XPO6: variants seen among roughly 807,000 people sequenced by gnomAD.
XPO6 encodes exportin 6.
Under a neutral mutation model 130.0 loss-of-function variants are expected in XPO6, and 3 were observed. The observed-to-expected ratio is 0.02, with a 90% CI of 0.01 to 0.06. XPO6 has a LOEUF of 0.06. Ranked by LOEUF, XPO6 falls within the 10% of genes least tolerant of loss-of-function variation. The pLI, the probability that XPO6 is intolerant of heterozygous loss-of-function variation, is 1.00. For synonymous variants in XPO6, 524 were observed against 548.9 expected, an observed-to-expected ratio of 0.95 and a Z score of 0.63; for missense variants, 970 against 1,393.0, an observed-to-expected ratio of 0.70 and a Z score of 4.83.
At chr16:28,202,073 G>C (rs953716671) in intron 1 of XPO6, among the ~76,000 whole-genome samples, 1 of 152,202 alleles carries the variant, frequency 6.6e-6, no homozygotes, top group African/African-American at 2.4e-5. Context: ...AGAGCAGAGG[G>C]AACAGCATCA....
chr16:28,168,498 G>GA (rs1228348282), intron 5 of XPO6, among the ~76,000 whole-genome samples: 11 of 148,664 alleles, frequency 7.4e-5, no homozygotes, highest in Non-Finnish European at 3.0e-5. Context: ...AAGGAAAAAA[G>GA]AAAAAAAAAG....
chr16:28,134,160 C>T (rs1021802241), intron 10 of XPO6, among the ~76,000 whole-genome samples: 2 of 152,206 alleles, frequency 1.3e-5, no homozygotes, highest in Non-Finnish European at 2.9e-5. Context: ...AAGCTATTTT[C>T]CCCCCTTTGG....
chr16:28,130,163 A>G (rs925840474), intron 12 of XPO6, among the ~76,000 whole-genome samples: 1 of 152,236 alleles, frequency 6.6e-6, no homozygotes, highest in Non-Finnish European at 1.5e-5. Context: ...CTCTGACAAA[A>G]GCAAAAGTGG....
chr16:28,158,574 A>T (rs972422136), intron 6 of XPO6, among the ~76,000 whole-genome samples: 5 of 152,192 alleles, frequency 3.3e-5, no homozygotes, highest in African/African-American at 1.2e-4. Context: ...CATTTTTCTC[A>T]GTTTTTCTAT....
chr16:28,178,788 C>T (rs147382385), intron 2 of XPO6, among the ~76,000 whole-genome samples: 39 of 151,936 alleles, frequency 2.6e-4, no homozygotes, highest in African/African-American at 8.9e-4. Context: ...CAAAAAAAGG[C>T]CGGGCCCATT....
intron 1 of XPO6, among the ~76,000 whole-genome samples, chr16:28,210,373 T>G (rs1172571083): frequency 6.6e-6 from 1 of 152,148 alleles, no homozygotes; most frequent in African/African-American, 2.4e-5. Flanking sequence ...TGGGTGAAAC[T>G]GAGGAGAACA....
chr16:28,156,605 AATAT>A (rs552912774), intron 6 of XPO6, 78 bp from the exon 7 acceptor site: 3 of 877,674 alleles, frequency 3.4e-6, no homozygotes, highest in East Asian at 2.9e-5. Context: ...CCTTCAAAAA[AATAT>A]ATATATATAT....
At position 28,101,617 on chromosome 16, in the gene XPO6, A is replaced by G. The variant is rs1035575372; in HGVS notation, c.3117T>C (p.His1039=). 3 of 1,614,044 alleles carry G rather than the reference A, an allele frequency of 1.9e-6. No individual in the cohort carries two copies. The highest frequency in any genetic ancestry group is 1.3e-5 in the African/African-American group (1 of 74,938). ...VLLQVLVHKS[H]DLLQEEIGIA... ...TGCCAATCTCCTCCTGCAGAAGATCATGGGACTTGTGGACCAGGACCTGGA... is the reference window on the plus strand; with the variant it reads ...TGCCAATCTCCTCCTGCAGAAGATCGTGGGACTTGTGGACCAGGACCTGGA... Residue 1039 remains histidine, a synonymous_variant, in exon 23 of 24, where the codon CAT becomes CAC. Transcript: ENST00000304658. The surrounding 1 kb of genome is among the most constrained non-coding windows in gnomAD (Gnocchi z 5.4).
rs549183960 is a variant in XPO6 at position 28,147,033 on chromosome 16, G to A, written c.1225-830C>T. ...ATCTCCACTCAAATGCTCACTACCT[G>A]AAAGACTCCTTTGGTTTTGCTGGTG... On this transcript the variant is annotated intron_variant, in intron 8 of 23. Transcript: ENST00000304658. Among the ~76,000 whole-genome samples, 260 of 152,280 alleles carry A rather than the reference G, an allele frequency of 1.7e-3. 2 individuals carry two copies. The highest frequency in any genetic ancestry group is 5.5e-3 in the African/African-American group (229 of 41,562).
chr16:28,101,012 C>A lies in XPO6; in HGVS notation c.3276+446G>T. The A allele has an allele frequency of 3.6e-6, 1 of 275,314 alleles. No individual in the cohort carries two copies. The allele number at this position is 275,314 out of a possible 1,614,324, so 17.1% of individuals were successfully genotyped here. ...GGGCTGGTCTGGAAAGAGCCCAAGA[C>A]AGCCGGGGAACCTGGGTCCCACCTC... is the stretch of plus-strand genomic sequence containing the variant. On this transcript the variant is annotated intron_variant, in intron 23 of 23. Coordinates refer to ENST00000304658, the MANE Select transcript of XPO6 (RefSeq NM_015171.4). The surrounding 1 kb of genome is among the most constrained non-coding windows in gnomAD (Gnocchi z 5.4).
chr16:28,120,195 C>T (rs528003008), intron 14 of XPO6, among the ~76,000 whole-genome samples: 1 of 152,044 alleles, frequency 6.6e-6, no homozygotes, highest in Non-Finnish European at 1.5e-5. Context: ...TAATCATCAT[C>T]ATCATCATCA....
intron 12 of XPO6, among the ~76,000 whole-genome samples, chr16:28,128,598 G>T (rs2042606964): frequency 6.6e-6 from 1 of 152,162 alleles, no homozygotes; most frequent in Non-Finnish European, 1.5e-5. Context: ...CCTAAATCAA[G>T]TTTCCATTTG....
chr16:28,123,388 G>A (rs1430578898), intron 13 of XPO6, among the ~76,000 whole-genome samples: 1 of 151,128 alleles, frequency 6.6e-6, no homozygotes, highest in East Asian at 1.9e-4. Context: ...GATTACAGGT[G>A]AGCCACCACG....
At chr16:28,175,505 C>T (rs1401359994) in intron 4 of XPO6, among the ~76,000 whole-genome samples, 1 of 152,168 alleles carries the variant, frequency 6.6e-6, no homozygotes, top group African/African-American at 2.4e-5. Flanking sequence ...GCTATGCCAC[C>T]ATAGCACTCT....
At chr16:28,143,684 T>C (rs903118780) in intron 9 of XPO6, among the ~76,000 whole-genome samples, 18 of 152,200 alleles carry the variant, frequency 1.2e-4, no homozygotes, top group Non-Finnish European at 2.2e-4. Context: ...TCGCCTAGGC[T>C]GGAGTCCAGT....
At chr16:28,203,625 C>T (rs1039853618) in intron 1 of XPO6, among the ~76,000 whole-genome samples, 3 of 152,192 alleles carry the variant, frequency 2.0e-5, no homozygotes, top group African/African-American at 7.2e-5. Context: ...TTATCGCTTC[C>T]ATTCCTACCA....
In XPO6 at chr16:28,208,149, A is replaced by G. The variant is rs139049018; in HGVS notation, c.3+3217T>C. The stretch of plus-strand genomic sequence containing the variant: ...TGACAGAGCGAGACTCCGTCTCAAA[A>G]AAAAGAAAGAAAAAACAAGTAATGA... On this transcript the variant is annotated intron_variant, in intron 1 of 23. Coordinates refer to ENST00000304658, the MANE Select transcript of XPO6 (RefSeq NM_015171.4). Among the ~76,000 whole-genome samples the G allele has an allele frequency of 8.7e-3, 1,319 of 152,342 alleles. 23 individuals are homozygous for G. Among genetic ancestry groups the G allele is most frequent in the African/African-American group, 0.03 (1,260 of 41,566 alleles).
chr16:28,167,036 C>T lies in XPO6; in HGVS notation c.566-451G>A, dbSNP rs111757526. The T allele has an allele frequency of 9.7e-4, 710 of 733,028 alleles. 9 individuals are homozygous for T. In the African/African-American group the frequency reaches 0.013, roughly 13 times the overall value. The allele number at this position is 733,028 out of a possible 1,614,324, so 45.4% of individuals were successfully genotyped here. A position where few individuals can be genotyped will look rare whatever the true frequency, so the allele number is the denominator to read the frequency against. ...TCTGCCCATGAGTCATTTAAACACA[C>T]GTTTCCCCAGGTTCCCTGACTGACC... is the stretch of plus-strand genomic sequence containing the variant. On this transcript the variant is annotated intron_variant, in intron 5 of 23. Coordinates refer to ENST00000304658, the MANE Select transcript of XPO6 (RefSeq NM_015171.4).
chr16:28,143,912 G>A (rs535028221), intron 9 of XPO6, among the ~76,000 whole-genome samples: 2 of 152,308 alleles, frequency 1.3e-5, no homozygotes, highest in African/African-American at 4.8e-5. Context: ...TGGGATTACA[G>A]GCAGGAGCCA....
Sources: allele counts gnomAD v4.1 joint callset (sites outside exome capture counted in the v4.1 genomes callset), GRCh38; gene constraint gnomAD v4.1.1; non-coding constraint Gnocchi (gnomAD v3.1); transcripts MANE v1.5; gene names NCBI Gene and HGNC (gene_info 2026-07-23, HGNC 2026-07-21).